ZCCHC14: variants seen among roughly 807,000 people sequenced by gnomAD.
ZCCHC14 encodes the protein zinc finger CCHC domain-containing protein 14.
ZCCHC14 carries 16 observed loss-of-function variants against 85.0 expected under a neutral mutation model. The ratio of observed to expected loss-of-function variants is 0.19; its 90% CI spans 0.13 to 0.29. The LOEUF (loss-of-function observed/expected upper bound fraction) is 0.29, where lower values mean the gene tolerates loss of function less well. Ranked by LOEUF, ZCCHC14 falls within the 10% of genes least tolerant of loss-of-function variation. ZCCHC14 has a pLI of 1.00. For missense variants in ZCCHC14, 1,303 were observed against 1,443.5 expected, an observed-to-expected ratio of 0.90 and a Z score of 1.58; for synonymous variants, 775 against 630.7, an observed-to-expected ratio of 1.23 and a Z score of -3.43.
chr16:87,411,875 T>C lies in ZCCHC14; in HGVS notation c.2846A>G (p.His949Arg). The change falls in exon 12 of 13, where the codon CAC becomes CGC. Residue 949 changes from histidine (H) to arginine (R), a missense_variant. Physicochemically the swap from His to Arg is conservative, Grantham distance 29 (BLOSUM62 0). This residue lies in a region of ZCCHC14 where 797 missense variants were observed against 730.8 expected (regional missense o/e 1.09). Coordinates refer to ENST00000671377, the MANE Select transcript of ZCCHC14 (RefSeq NM_015144.3). ...GAACACGGACGGACCGGAGAACGGG[T>C]GCTGGAAGTAGTTGGCGTAGCTGAC... is the stretch of plus-strand genomic sequence containing the variant. Reference protein sequence around the residue: ...LTVSYANYFQHPFSGPSVFTF... With the variant: ...LTVSYANYFQRPFSGPSVFTF... 6.2e-7 allele frequency: 1 copy of C among 1,602,838 alleles called. No individual in the cohort carries two copies. Among genetic ancestry groups the C allele is most frequent in the Non-Finnish European group, 8.5e-7 (1 of 1,175,640 alleles).
chr16:87,430,117 C>G (rs1390605362), intron 3 of ZCCHC14, among the ~76,000 whole-genome samples: 1 of 152,204 alleles, frequency 6.6e-6, no homozygotes, highest in Non-Finnish European at 1.5e-5. Flanking sequence ...CACCGTATCT[C>G]AGAAATCTTC....
At chr16:87,486,174 T>C (rs1912505673) in intron 1 of ZCCHC14, among the ~76,000 whole-genome samples, 1 of 152,296 alleles carries the variant, frequency 6.6e-6, no homozygotes, top group Non-Finnish European at 1.5e-5. Context: ...ACACAGTAGA[T>C]GGCAGTGCTA....
chr16:87,422,338 G>A (rs1909142663), intron 4 of ZCCHC14, among the ~76,000 whole-genome samples: 2 of 152,156 alleles, frequency 1.3e-5, no homozygotes, highest in Admixed American at 6.5e-5. Flanking sequence ...GCCGTGGGGC[G>A]GCAGCACCAG....
At chr16:87,434,212 A>G (rs1238905211) in intron 2 of ZCCHC14, among the ~76,000 whole-genome samples, 1 of 152,216 alleles carries the variant, frequency 6.6e-6, no homozygotes, top group East Asian at 1.9e-4. Context: ...GGTTTTAAGC[A>G]CTATTTTTAA....
rs138119455 is a variant in ZCCHC14, at chr16:87,417,433, G to C, written c.1383+27C>G. The stretch of plus-strand genomic sequence containing the variant: ...CTTGAGTAAACAATCTAGCAATTCT[G>C]TACGGCCAGCCAGAAAACCGACATA... On this transcript the variant is annotated intron_variant, in intron 8 of 12. Transcript: ENST00000671377. 458 of 1,608,344 alleles carry C rather than the reference G, an allele frequency of 2.8e-4. 5 individuals are homozygous for C. The highest frequency in any genetic ancestry group is 3.0e-4 in the Admixed American group (18 of 59,824).
chr16:87,477,947 G>A (rs556655222), intron 1 of ZCCHC14, among the ~76,000 whole-genome samples: 11 of 150,304 alleles, frequency 7.3e-5, no homozygotes, highest in African/African-American at 2.0e-4. Flanking sequence ...GAACACACAC[G>A]CCTCCACACA....
chr16:87,458,653 G>A (rs928516008), intron 2 of ZCCHC14, among the ~76,000 whole-genome samples: 1 of 152,214 alleles, frequency 6.6e-6, no homozygotes, highest in Non-Finnish European at 1.5e-5. Flanking sequence ...TAGAAACAAA[G>A]CAGTTATGAA....
At chr16:87,461,234 T>C (rs988455617) in intron 1 of ZCCHC14, among the ~76,000 whole-genome samples, 3 of 152,054 alleles carry the variant, frequency 2.0e-5, no homozygotes, top group Non-Finnish European at 4.4e-5. Context: ...TCAGTGATGG[T>C]GTGAATGTGG....
At chr16:87,442,650 A>T (rs548722720) in intron 2 of ZCCHC14, among the ~76,000 whole-genome samples, 2 of 152,248 alleles carry the variant, frequency 1.3e-5, no homozygotes, top group Non-Finnish European at 2.9e-5. Context: ...AAGCCTATGC[A>T]TAAGAAGCTC....
At chr16:87,430,818 C>T (rs1226648282) in intron 3 of ZCCHC14, among the ~76,000 whole-genome samples, 7 of 152,074 alleles carry the variant, frequency 4.6e-5, no homozygotes, top group Non-Finnish European at 7.4e-5. Context: ...CACTGTGCCC[C>T]GCTAACTTTC....
intron 2 of ZCCHC14, among the ~76,000 whole-genome samples, chr16:87,446,483 CA>C (rs11364740): frequency 0.33 from 48,276 of 144,194 alleles, 10,041 homozygotes; most frequent in South Asian, 0.6. Flanking sequence ...GACTCCATCT[CA>C]AAAAAAAAAA....
chr16:87,435,667 G>A (rs546048256), intron 2 of ZCCHC14, among the ~76,000 whole-genome samples: 4 of 152,382 alleles, frequency 2.6e-5, no homozygotes, highest in South Asian at 2.1e-4. Flanking sequence ...ACGAGGCAGC[G>A]GGCGCTGCGC....
At chr16:87,441,427 C>A (rs1228982158) in intron 2 of ZCCHC14, among the ~76,000 whole-genome samples, 5 of 152,078 alleles carry the variant, frequency 3.3e-5, no homozygotes, top group Non-Finnish European at 7.4e-5. Context: ...TTATTAAGTC[C>A]ATTTCTTTTT....
chr16:87,418,618 C>T (rs929455223), intron 7 of ZCCHC14, among the ~76,000 whole-genome samples: 3 of 152,220 alleles, frequency 2.0e-5, no homozygotes, highest in Non-Finnish European at 4.4e-5. Flanking sequence ...TATGATGGGG[C>T]CCAGGACCTT....
At chr16:87,480,164 G>A (rs1440465701) in intron 1 of ZCCHC14, among the ~76,000 whole-genome samples, 32 of 152,114 alleles carry the variant, frequency 2.1e-4, no homozygotes, top group Non-Finnish European at 4.4e-5. Flanking sequence ...AGCGCTTTGG[G>A]AGGCTGAGGC....
chr16:87,492,130 T>C lies in ZCCHC14; in HGVS notation c.109A>G (p.Ile37Val). Residue 37 changes from isoleucine (I) to valine (V), a missense_variant, in exon 1 of 13, where the codon ATC (isoleucine) becomes GTC (valine). Physicochemically the swap from Ile to Val is conservative, Grantham distance 29. Coordinates refer to ENST00000671377, the MANE Select transcript of ZCCHC14 (RefSeq NM_015144.3). The surrounding 1 kb of genome is among the most constrained non-coding windows in gnomAD (Gnocchi z 6.7). ...CCGAGGAAGCGAAGCTCGAGCGGGATGCACAGGTCCAGCAGGCCGCACAGG... is the reference window on the plus strand; with the variant it reads ...CCGAGGAAGCGAAGCTCGAGCGGGACGCACAGGTCCAGCAGGCCGCACAGG... Reference protein sequence around the residue: ...EFLCGLLDLCIPLELRFLGSC... With the variant: ...EFLCGLLDLCVPLELRFLGSC... The C allele has an allele frequency of 1.5e-6, 2 of 1,340,414 alleles. No homozygotes were observed. Among genetic ancestry groups the C allele is most frequent in the South Asian group, 3.2e-5 (2 of 63,296 alleles). The allele number at this position is 1,340,414 out of a possible 1,614,324, so 83.0% of individuals were successfully genotyped here.
rs1357460222 is a variant in ZCCHC14, at chr16:87,492,386, C to T, written c.-148G>A. 1 of 143,264 alleles carries T rather than the reference C, an allele frequency of 7.0e-6. No homozygotes were observed. The highest frequency in any genetic ancestry group is 1.5e-5 in the Non-Finnish European group (1 of 65,782). The allele number at this position is 143,264 out of a possible 1,614,324, so 8.9% of individuals were successfully genotyped here. ...GCGAGGGCGCGCGGGCGCCGCGGGC[C>T]GGGCGGGCGCCGGGGCGGGGGCGGG... is the stretch of plus-strand genomic sequence containing the variant. On this transcript the variant is annotated 5_prime_UTR_variant, in exon 1 of 13. Coordinates refer to ENST00000671377, the MANE Select transcript of ZCCHC14 (RefSeq NM_015144.3). This position sits in a 1 kb window ranked among gnomAD's most constrained non-coding sequence, Gnocchi z 6.7.
chr16:87,411,568 A>C lies in ZCCHC14; in HGVS notation c.3153T>G (p.Thr1051=), dbSNP rs767388436. Reference sequence around the variant, plus strand: ...GTTTGCAGTCCTGGGCGCGGTGACCAGTGGCCCCGCAGTTGTAACAAGATA... The same window carrying C: ...GTTTGCAGTCCTGGGCGCGGTGACCCGTGGCCCCGCAGTTGTAACAAGATA... ...GNLSCYNCGA[T]GHRAQDCKQP... Residue 1051 remains threonine (T), a synonymous_variant, in exon 12 of 13, where the codon ACT becomes ACG. Coordinates refer to ENST00000671377, the MANE Select transcript of ZCCHC14 (RefSeq NM_015144.3). The C allele has an allele frequency of 5.6e-6, 9 of 1,613,598 alleles. No individual in the cohort carries two copies. In the South Asian group the frequency reaches 9.9e-5, roughly 18 times the overall value.
chr16:87,419,987 A>T, intron 5 of ZCCHC14, 110 bp from the exon 6 acceptor site: 2 of 829,740 alleles, frequency 2.4e-6, no homozygotes, highest in Non-Finnish European at 3.6e-6. Flanking sequence ...AGAGGAAAAA[A>T]GCCAGAAGTG....
Sources: allele counts gnomAD v4.1 joint callset (sites outside exome capture counted in the v4.1 genomes callset), GRCh38; gene constraint gnomAD v4.1.1; regional missense constraint gnomAD v4.1.1; non-coding constraint Gnocchi (gnomAD v3.1); transcripts MANE v1.5; gene names NCBI Gene and HGNC (gene_info 2026-07-23, HGNC 2026-07-21).